Variants in LEO1 observed in about 807,000 individuals in gnomAD.
LEO1 encodes RNA polymerase-associated protein LEO1.
In LEO1, 34 loss-of-function variants were observed where a neutral mutation model predicts 80.4. That is an observed-to-expected ratio of 0.42 (90% CI 0.32 to 0.56). LEO1 has a LOEUF of 0.56. Among genes scored for constraint, LEO1 ranks in the 20% least tolerant of loss-of-function variants. The pLI, the probability that LEO1 is intolerant of heterozygous loss-of-function variation, is 0.10. For synonymous variants in LEO1, 262 were observed against 274.9 expected (o/e 0.95, Z 0.46); for missense variants, 631 against 814.2 (o/e 0.77, Z 2.74).
At position 51,939,054 on chromosome 15, in the gene LEO1, G is replaced by A. The variant is rs755649041; in HGVS notation, c.1897-794C>T. On this transcript the variant is annotated intron_variant, in intron 11 of 11. Transcript: ENST00000299601. ...ACAAAAATTAGCCAGGTGTGGTGGC[G>A]CACGCCTGTAATCCCAGCTACTCGA... Among the ~76,000 whole-genome samples the A allele has an allele frequency of 1.2e-4, 18 of 152,212 alleles. No homozygotes were observed. In the East Asian group the frequency reaches 1.9e-3, roughly 16 times the overall value.
At chr15:51,954,932 A>AT in intron 6 of LEO1, 1 of 165,684 alleles carries the variant, frequency 6.0e-6, no homozygotes, top group Non-Finnish European at 1.3e-5. Flanking sequence ...GTGAGGCAGA[A>AT]ATTTTTTTTT....
chr15:51,951,767 A>T, intron 9 of LEO1, 77 bp downstream of exon 9: 1 of 1,315,266 alleles, frequency 7.6e-7, no homozygotes. Flanking sequence ...ATAAGAGATG[A>T]CGAACAAGCA....
rs2057029661 is a variant in LEO1 at position 51,961,388 on chromosome 15, TTGC to T, written c.920-658_920-656del. Among the ~76,000 whole-genome samples the T allele has an allele frequency of 1.3e-4, 19 of 151,148 alleles. 1 individual carries two copies. The highest frequency in any genetic ancestry group is 6.6e-4 in the Admixed American group (10 of 15,114). On this transcript the variant is annotated intron_variant, in intron 3 of 11. Transcript: ENST00000299601. Reference sequence around the variant, plus strand: ...GTGGTGGTGGTGGTGGTGGTGGTGGTTGCGGTTGTTGTTGTTGTTTTGAGACAG... The same window carrying T: ...GTGGTGGTGGTGGTGGTGGTGGTGGTGGTTGTTGTTGTTGTTTTGAGACAG...
At chr15:51,938,715 T>C (rs1286006085) in intron 11 of LEO1, among the ~76,000 whole-genome samples, 1 of 152,256 alleles carries the variant, frequency 6.6e-6, no homozygotes, top group Non-Finnish European at 1.5e-5. Flanking sequence ...AAGAAAATAT[T>C]TGATGACATT....
At chr15:51,953,105 A>G (rs199857193) in intron 8 of LEO1, 24 bp downstream of exon 8, 4 of 1,591,480 alleles carry the variant, frequency 2.5e-6, no homozygotes, top group Admixed American at 1.7e-5. Context: ...ATAAGAAATA[A>G]TACATAATAA....
chr15:51,970,777 T>G (rs2057116754), intron 1 of LEO1, among the ~76,000 whole-genome samples: 1 of 152,202 alleles, frequency 6.6e-6, no homozygotes, highest in Admixed American at 6.5e-5. Context: ...CTCACTTTAC[T>G]TGGAGCCTAG....
intron 11 of LEO1, 65 bp from the exon 12 acceptor site, chr15:51,938,325 A>C: frequency 1.0e-6 from 1 of 956,770 alleles, no homozygotes; most frequent in East Asian, 2.6e-5. Flanking sequence ...TGGTTTATGA[A>C]AAGTAGCTAT....
intron 11 of LEO1, among the ~76,000 whole-genome samples, chr15:51,945,262 C>CAAAAAAAACAAAAAAAAAAA (rs2056889644): frequency 2.5e-5 from 2 of 80,392 alleles, no homozygotes; most frequent in Non-Finnish European, 4.6e-5. Flanking sequence ...ACAAAAAATA[C>CAAAAAAAACAAAAAAAAAAA]AAAAAAAAAA....
At chr15:51,960,843 A>G in intron 3 of LEO1, 110 bp from the exon 4 acceptor site, 2 of 673,810 alleles carry the variant, frequency 3.0e-6, no homozygotes, top group South Asian at 3.6e-5. Flanking sequence ...TCAGAAAACC[A>G]CCAAAAACAT....
chr15:51,949,416 C>T (rs960098078), intron 10 of LEO1, among the ~76,000 whole-genome samples: 2 of 151,940 alleles, frequency 1.3e-5, no homozygotes, highest in South Asian at 2.1e-4. Context: ...ATAAAATGTC[C>T]GGGCTAGGCA....
At chr15:51,962,025 A>G (rs1405626922) in intron 3 of LEO1, among the ~76,000 whole-genome samples, 1 of 151,924 alleles carries the variant, frequency 6.6e-6, no homozygotes, top group African/African-American at 2.4e-5. Context: ...TTAGCCAGGC[A>G]TGGTGGTACG....
At chr15:51,971,614 A>G in intron 1 of LEO1, 74 bp downstream of exon 1, 1 of 1,485,576 alleles carries the variant, frequency 6.7e-7, no homozygotes, top group East Asian at 2.3e-5. Flanking sequence ...GCGGCGCTGG[A>G]GCCTCCACGG....
At chr15:51,949,716 AG>A in intron 10 of LEO1, 91 bp downstream of exon 10, 1 of 1,126,632 alleles carries the variant, frequency 8.9e-7, no homozygotes, top group Non-Finnish European at 1.3e-6. Flanking sequence ...AAAAAAAAAA[AG>A]TCCAGTGACT....
intron 2 of LEO1, among the ~76,000 whole-genome samples, 154 bp downstream of exon 2, chr15:51,965,595 A>T (rs1393654150): frequency 6.6e-6 from 1 of 152,254 alleles, no homozygotes; most frequent in Non-Finnish European, 1.5e-5. Context: ...AAGATTTAAA[A>T]GAAGCAAAAT....
chr15:51,962,614 G>A (rs1282550495), intron 2 of LEO1, 121 bp from the exon 3 acceptor site: 5 of 636,204 alleles, frequency 7.9e-6, no homozygotes, highest in Non-Finnish European at 1.4e-5. Flanking sequence ...GCAATAAAGA[G>A]GAATGAACTG....
chr15:51,940,519 C>T (rs557357762), intron 11 of LEO1, among the ~76,000 whole-genome samples: 2 of 151,614 alleles, frequency 1.3e-5, no homozygotes, highest in African/African-American at 2.4e-5. Context: ...TGAGACCACA[C>T]CACCACACTC....
chr15:51,938,180 A>G lies in LEO1; in HGVS notation c.1977T>C (p.Asp659=), dbSNP rs1226883718. 10 of 1,596,062 alleles carry G rather than the reference A, an allele frequency of 6.3e-6. No individual in the cohort carries two copies. The South Asian group carries it at 7.8e-5, about 12-fold the overall frequency. Residue 659 remains aspartate, a synonymous_variant, in exon 12 of 12, where the codon GAT becomes GAC. Transcript: ENST00000299601. ...NKKHKKYVIS[D]EEEEDDD ...TTCAATCATCATCTTCTTCCTCTTC[A>G]TCGCTGATCACATACTTCTTATGCT...
At position 51,966,435 on chromosome 15, in the gene LEO1, C is replaced by A; in HGVS notation, c.128G>T (p.Ser43Ile). The A allele has an allele frequency of 6.2e-7, 1 of 1,614,014 alleles. No individual in the cohort carries two copies. The highest frequency in any genetic ancestry group is 8.5e-7 in the Non-Finnish European group (1 of 1,179,956). Residue 43 changes from serine to isoleucine, a missense_variant, in exon 2 of 12, where the codon AGT becomes ATT. By Grantham distance (142) the Ser-to-Ile change is moderately radical. This residue lies in a region of LEO1 where 394 missense variants were observed against 395.6 expected (regional missense o/e 1.00). Transcript: ENST00000299601. ...ACCTCTTTCATCCTGATCACTTTCACTTCCAGAGGCATTACTGCCAGAGGC... is the reference window on the plus strand; with the variant it reads ...ACCTCTTTCATCCTGATCACTTTCAATTCCAGAGGCATTACTGCCAGAGGC... ...NAASGSNASGSESDQDERGDS... is the reference protein window; with the variant it reads ...NAASGSNASGIESDQDERGDS...
At position 51,949,742 on chromosome 15, in the gene LEO1, C is replaced by T. The variant is rs1340697430; in HGVS notation, c.1798+66G>A. 7 of 1,255,456 alleles carry T rather than the reference C, an allele frequency of 5.6e-6. No homozygotes were observed. The East Asian group carries it at 1.4e-4, about 26-fold the overall frequency. 77.8% of individuals were successfully genotyped at this position (1,255,456 alleles called of 1,614,324 possible). On this transcript the variant is annotated intron_variant, in intron 10 of 11. Transcript: ENST00000299601. The stretch of plus-strand genomic sequence containing the variant: ...GTCCAGTGACTTGGCAGCCGGATTA[C>T]ATCTAATGCCAAGATGAAGTCCAGA...
Sources: gnomAD v4.1 joint callset for allele counts (sites outside exome capture counted in the v4.1 genomes callset) on GRCh38, gnomAD v4.1.1 for gene constraint, gnomAD v4.1.1 regional missense constraint, MANE v1.5 for transcripts, NCBI Gene and HGNC (gene_info 2026-07-23, HGNC 2026-07-21) for gene names.